The following FGGY variants were observed in gnomAD, a reference collection of about 807,000 sequenced individuals.
FGGY encodes the protein FGGY carbohydrate kinase domain containing, also known as FGGY carbohydrate kinase domain-containing protein.
Under a neutral mutation model 71.3 loss-of-function variants are expected in FGGY, and 72 were observed. The ratio of observed to expected loss-of-function variants is 1.01; its 90% CI spans 0.84 to 1.23. The LOEUF (loss-of-function observed/expected upper bound fraction) is 1.23, where lower values mean the gene tolerates loss of function less well. Ranked by LOEUF, FGGY falls within the 50% of genes most tolerant of loss-of-function variation. The pLI, the probability that FGGY is intolerant of heterozygous loss-of-function variation, is 0.00. For synonymous variants in FGGY, 251 were observed against 250.3 expected (o/e 1.00, Z -0.02); for missense variants, 668 against 682.3 (o/e 0.98, Z 0.23).
intron 14 of FGGY, among the ~76,000 whole-genome samples, chr1:59,711,316 G>A (rs1210159812): frequency 6.6e-6 from 1 of 152,082 alleles, no homozygotes; most frequent in Non-Finnish European, 1.5e-5. Context: ...GGGAGGGATA[G>A]CATTAGGAGA....
intron 1 of FGGY, among the ~76,000 whole-genome samples, chr1:59,306,989 G>C (rs2043533783): frequency 6.6e-6 from 1 of 152,070 alleles, no homozygotes; most frequent in Non-Finnish European, 1.5e-5. Flanking sequence ...GATATTGCAA[G>C]ATGAAAATTG....
At chr1:59,688,904 C>T (rs937501763) in intron 14 of FGGY, among the ~76,000 whole-genome samples, 1 of 152,146 alleles carries the variant, frequency 6.6e-6, no homozygotes, top group African/African-American at 2.4e-5. Flanking sequence ...CACCTGCCAC[C>T]ACACCTGGCT....
chr1:59,438,282 T>A (rs908576546), intron 5 of FGGY, among the ~76,000 whole-genome samples: 2 of 152,238 alleles, frequency 1.3e-5, no homozygotes, highest in African/African-American at 4.8e-5. Context: ...GCCTTTGCCC[T>A]TTCCATTAGA....
intron 6 of FGGY, among the ~76,000 whole-genome samples, chr1:59,503,871 G>T (rs1376937263): frequency 2.0e-5 from 3 of 151,776 alleles, no homozygotes; most frequent in African/African-American, 4.8e-5. Context: ...GTCTCTCTCA[G>T]TGACCCCCTC....
In FGGY at chr1:59,638,255, C is replaced by T. The variant is rs1221770017; in HGVS notation, c.1101C>T (p.Asn367=). 3 of 1,614,128 alleles carry T rather than the reference C, an allele frequency of 1.9e-6. No homozygotes were observed. The highest frequency in any genetic ancestry group is 1.7e-5 in the Admixed American group (1 of 60,026). The stretch of plus-strand genomic sequence containing the variant: ...GCCAGAGTATATATGCATATTTGAA[C>T]AGTCACCTGGATCTGATTAAGAAGG... ...ARCQSIYAYL[N]SHLDLIKKAQ... Residue 367 remains asparagine (N), a synonymous_variant, in exon 11 of 16, where the codon AAC becomes AAT. Transcript: ENST00000303721.
chr1:59,567,180 G>T (rs923138647), intron 8 of FGGY, among the ~76,000 whole-genome samples: 1 of 152,172 alleles, frequency 6.6e-6, no homozygotes, highest in Non-Finnish European at 1.5e-5. Context: ...AAACCACCAA[G>T]TTATTGGTCA....
At chr1:59,475,785 T>C (rs1181259127) in intron 6 of FGGY, among the ~76,000 whole-genome samples, 1 of 152,262 alleles carries the variant, frequency 6.6e-6, no homozygotes, top group Non-Finnish European at 1.5e-5. Flanking sequence ...TGGATTTGTG[T>C]GCTAGCCTCT....
intron 1 of FGGY, among the ~76,000 whole-genome samples, chr1:59,297,496 CTT>C (rs145726480): frequency 0.037 from 5,582 of 152,276 alleles, 308 homozygotes; most frequent in African/African-American, 0.12. Context: ...CTAGGGATAT[CTT>C]TTCATTTTTA....
chr1:59,721,230 T>C (rs2097889435), intron 14 of FGGY, among the ~76,000 whole-genome samples: 1 of 152,124 alleles, frequency 6.6e-6, no homozygotes, highest in South Asian at 2.1e-4. Flanking sequence ...GTTATTTTGA[T>C]AAACATGACC....
chr1:59,657,112 A>T lies in FGGY; in HGVS notation c.1222-3107A>T, dbSNP rs2097225890. Among the ~76,000 whole-genome samples, 3 of 152,274 alleles carry T rather than the reference A, an allele frequency of 2.0e-5. No homozygotes were observed. In the South Asian group the frequency reaches 6.2e-4, roughly 32 times the overall value. ...TCACACCCTTTCTTCTCTCTTATGG[A>T]TTCTTACTAATTGAGAAGGATATCA... On this transcript the variant is annotated intron_variant, in intron 11 of 15. Transcript: ENST00000303721.
At chr1:59,762,365 C>A in intron 15 of FGGY, 138 bp from the exon 16 acceptor site, 1 of 627,054 alleles carries the variant, frequency 1.6e-6, no homozygotes, top group Non-Finnish European at 2.8e-6. Context: ...TAATTCATTG[C>A]CCAGGATGCT....
At chr1:59,425,404 G>GC (rs1176315361) in intron 5 of FGGY, among the ~76,000 whole-genome samples, 1 of 151,802 alleles carries the variant, frequency 6.6e-6, no homozygotes. Context: ...ATGGATATTT[G>GC]CCCCCAAATT....
chr1:59,589,871 A>G (rs1473558274), intron 8 of FGGY, among the ~76,000 whole-genome samples: 4 of 152,138 alleles, frequency 2.6e-5, no homozygotes, highest in African/African-American at 4.8e-5. Flanking sequence ...CATCACAATT[A>G]AAAGAACTAG....
intron 14 of FGGY, among the ~76,000 whole-genome samples, chr1:59,749,074 A>C (rs56004451): frequency 0.015 from 2,297 of 152,312 alleles, 58 homozygotes; most frequent in African/African-American, 0.051. Context: ...TGGTGAACAC[A>C]GGGAGGTATT....
intron 3 of FGGY, 40 bp from the exon 4 acceptor site, chr1:59,346,207 G>A: frequency 3.7e-6 from 6 of 1,609,392 alleles, no homozygotes; most frequent in Non-Finnish European, 5.1e-6. Context: ...AGAAGGAAGA[G>A]AATGTGTGTC....
intron 12 of FGGY, among the ~76,000 whole-genome samples, chr1:59,663,043 G>GA (rs2097291772): frequency 7.7e-4 from 2 of 2,614 alleles, no homozygotes; most frequent in East Asian, 0.071. Context: ...TGAAGGATGA[G>GA]GCAAACAGGA....
At chr1:59,377,659 A>C (rs1343638529) in intron 4 of FGGY, among the ~76,000 whole-genome samples, 2 of 152,026 alleles carry the variant, frequency 1.3e-5, no homozygotes, top group Non-Finnish European at 2.9e-5. Flanking sequence ...TTGTATGACA[A>C]CTAGACCTAA....
chr1:59,443,372 T>C (rs74084814), intron 5 of FGGY, among the ~76,000 whole-genome samples: 2,242 of 152,284 alleles, frequency 0.015, 58 homozygotes, highest in African/African-American at 0.052. Context: ...TGCCAGGAAT[T>C]GTACATTATC....
At chr1:59,669,640 C>T (rs1294220471) in intron 13 of FGGY, among the ~76,000 whole-genome samples, 1 of 151,038 alleles carries the variant, frequency 6.6e-6, no homozygotes, top group African/African-American at 2.4e-5. Flanking sequence ...AGTGATCCAC[C>T]CGCCTTGGCC....
Sources: allele counts gnomAD v4.1 joint callset (sites outside exome capture counted in the v4.1 genomes callset), GRCh38; gene constraint gnomAD v4.1.1; transcripts MANE v1.5; gene names NCBI Gene and HGNC (gene_info 2026-07-23, HGNC 2026-07-21).